The following OR2L13 variants were observed in gnomAD, a reference collection of about 807,000 sequenced individuals.
The protein encoded by OR2L13 is olfactory receptor 2L13.
A neutral mutation model predicts 15.3 loss-of-function variants in OR2L13; 14 were observed. The ratio of observed to expected loss-of-function variants is 0.91; its 90% CI spans 0.60 to 1.43. OR2L13 has a LOEUF of 1.43. Ranked by LOEUF, OR2L13 falls within the 40% of genes most tolerant of loss-of-function variation. The pLI, the probability that OR2L13 is intolerant of heterozygous loss-of-function variation, is 0.00. For missense variants in OR2L13, 367 were observed against 387.9 expected (o/e 0.95, Z 0.45); for synonymous variants, 152 against 142.9 (o/e 1.06, Z -0.45).
exon 3 of OR2L13, chr1:248,101,089 C>T (rs559255067): frequency 2.4e-4 from 36 of 152,070 alleles, no homozygotes; most frequent in African/African-American, 8.7e-4. Context: ...GATAAAATAA[C>T]TTGAATATGA....
At chr1:248,039,358 A>G in the OR2L13 span, 1 of 480,212 alleles carries the variant, frequency 2.1e-6, no homozygotes, top group Non-Finnish European at 3.5e-6. Context: ...CAATATTATA[A>G]TACATATTAA....
the OR2L13 span, among the ~76,000 whole-genome samples, chr1:248,085,043 G>A: frequency 1.4e-4 from 22 of 152,206 alleles, no homozygotes; most frequent in East Asian, 3.7e-3. Context: ...AATAAAACAG[G>A]CAAAATAGGC....
chr1:247,990,946 A>G, the OR2L13 span: 1 of 1,470,738 alleles, frequency 6.8e-7, no homozygotes, highest in Non-Finnish European at 9.5e-7. Flanking sequence ...TGTCTACCAC[A>G]TGCACTCTGC....
the OR2L13 span, chr1:247,975,226 C>G: frequency 4.9e-6 from 2 of 405,848 alleles, no homozygotes; most frequent in Non-Finnish European, 1.0e-5. Context: ...TCATATATGC[C>G]CCATATCCCT....
chr1:247,940,247 TG>T, the OR2L13 span, among the ~76,000 whole-genome samples: 1 of 152,306 alleles, frequency 6.6e-6, no homozygotes, highest in South Asian at 2.1e-4. Flanking sequence ...TCTTATTTCA[TG>T]TATACATACA....
the OR2L13 span, among the ~76,000 whole-genome samples, chr1:248,070,393 T>G: frequency 1.3e-5 from 2 of 151,750 alleles, no homozygotes; most frequent in Admixed American, 6.6e-5. Context: ...CATAACGAAA[T>G]GAAGGCAGAA....
the OR2L13 span, among the ~76,000 whole-genome samples, chr1:248,077,080 TC>T: frequency 6.6e-6 from 1 of 152,162 alleles, no homozygotes; most frequent in Non-Finnish European, 1.5e-5. Context: ...AAAGGCCTTT[TC>T]TGCATCTATT....
chr1:247,983,295 G>T, the OR2L13 span, among the ~76,000 whole-genome samples: 3 of 152,152 alleles, frequency 2.0e-5, no homozygotes, highest in Non-Finnish European at 4.4e-5. Flanking sequence ...GTCAGTAAAA[G>T]TTCATGCCAT....
chr1:247,967,545 A>T, the OR2L13 span, among the ~76,000 whole-genome samples: 1 of 152,202 alleles, frequency 6.6e-6, no homozygotes. Flanking sequence ...ATTTATTAAT[A>T]CAAAATTAAT....
the OR2L13 span, chr1:247,990,776 C>A: frequency 6.2e-7 from 1 of 1,602,466 alleles, no homozygotes; most frequent in Non-Finnish European, 8.5e-7. Context: ...TATTGCAAGT[C>A]CAGAGCCATC....
chr1:248,016,762 T>G, the OR2L13 span, among the ~76,000 whole-genome samples: 1 of 152,006 alleles, frequency 6.6e-6, no homozygotes, highest in Non-Finnish European at 1.5e-5. Flanking sequence ...TTCATAGATA[T>G]GTATGTGTGT....
chr1:248,053,675 T>C, the OR2L13 span, among the ~76,000 whole-genome samples: 1 of 152,224 alleles, frequency 6.6e-6, no homozygotes, highest in African/African-American at 2.4e-5. Context: ...TGGTATCTAA[T>C]TATGGTTTTG....
the OR2L13 span, among the ~76,000 whole-genome samples, chr1:247,956,167 GCCA>G: frequency 6.6e-6 from 1 of 151,114 alleles, no homozygotes; most frequent in South Asian, 2.1e-4. Flanking sequence ...CATATGGCTA[GCCA>G]GTTTTCCCAG....
At chr1:247,965,368 G>C in the OR2L13 span, 3 of 1,603,088 alleles carry the variant, frequency 1.9e-6, no homozygotes, top group Admixed American at 1.7e-5. Context: ...TGATATTTTG[G>C]TTTCAGCCAT....
chr1:248,086,398 G>A, the OR2L13 span, among the ~76,000 whole-genome samples: 5 of 152,188 alleles, frequency 3.3e-5, no homozygotes, highest in Non-Finnish European at 7.4e-5. Context: ...ACATTCAAAT[G>A]TAACAAAAAT....
chr1:248,086,531 ATTC>A, the OR2L13 span, among the ~76,000 whole-genome samples: 2 of 152,278 alleles, frequency 1.3e-5, no homozygotes, highest in Non-Finnish European at 1.5e-5. Flanking sequence ...AACTGTATTA[ATTC>A]TTCTTTCAGG....
chr1:248,027,287 C>G, the OR2L13 span, among the ~76,000 whole-genome samples: 1 of 152,154 alleles, frequency 6.6e-6, no homozygotes, highest in African/African-American at 2.4e-5. Flanking sequence ...GCTCTCAAAC[C>G]CTGTCTCCTG....
the OR2L13 span, chr1:248,030,278 C>A: frequency 6.6e-6 from 1 of 151,980 alleles, no homozygotes; most frequent in Non-Finnish European, 1.5e-5. Flanking sequence ...TTGATCACAG[C>A]GAAGAAGGGA....
chr1:247,969,052 T>C, the OR2L13 span, among the ~76,000 whole-genome samples: 2 of 152,218 alleles, frequency 1.3e-5, no homozygotes, highest in African/African-American at 4.8e-5. Flanking sequence ...TGGCGTGAGA[T>C]GGTATCTCAT....
Sources: allele counts gnomAD v4.1 joint callset (sites outside exome capture counted in the v4.1 genomes callset), GRCh38; gene constraint gnomAD v4.1.1; transcripts MANE v1.5; gene names NCBI Gene and HGNC (gene_info 2026-07-23, HGNC 2026-07-21).